ESRRG: variants seen among roughly 807,000 people sequenced by gnomAD.
ESRRG encodes estrogen-related receptor gamma.
In ESRRG, 13 loss-of-function variants were observed where a neutral mutation model predicts 44.0. The ratio of observed to expected loss-of-function variants is 0.30; its 90% CI spans 0.19 to 0.47. ESRRG has a LOEUF of 0.47. ESRRG is among the 20% of genes least tolerant of loss of function. ESRRG has a pLI of 1.00. For missense variants in ESRRG, 395 were observed against 580.6 expected (o/e 0.68, Z 3.29); for synonymous variants, 215 against 214.6 (o/e 1.00, Z -0.02).
chr1:216,733,922 G>A (rs1206367011), intron 2 of ESRRG, among the ~76,000 whole-genome samples: 3 of 150,618 alleles, frequency 2.0e-5, no homozygotes, highest in African/African-American at 7.3e-5. Flanking sequence ...CAGGGAGGCA[G>A]AGGTTGGTGG....
At chr1:216,992,069 G>A (rs1202421385) in intron 1 of ESRRG, among the ~76,000 whole-genome samples, 1 of 152,156 alleles carries the variant, frequency 6.6e-6, no homozygotes, top group Non-Finnish European at 1.5e-5. Flanking sequence ...TTCCCATGCA[G>A]TCTGGATTTT....
At chr1:216,555,731 A>G (rs1488894449) in intron 5 of ESRRG, among the ~76,000 whole-genome samples, 2 of 152,120 alleles carry the variant, frequency 1.3e-5, no homozygotes, top group Admixed American at 6.6e-5. Flanking sequence ...GTCAAAGTCA[A>G]TTTAGTGCAT....
chr1:216,603,518 T>C (rs915255829), intron 3 of ESRRG, among the ~76,000 whole-genome samples: 2 of 152,236 alleles, frequency 1.3e-5, no homozygotes, highest in African/African-American at 2.4e-5. Context: ...AGAGCTTTCA[T>C]TGCAGATCAG....
chr1:216,838,343 T>C (rs1577099427), intron 2 of ESRRG, among the ~76,000 whole-genome samples: 1 of 152,320 alleles, frequency 6.6e-6, no homozygotes, highest in Non-Finnish European at 1.5e-5. Flanking sequence ...AAAAGTGTTG[T>C]CTTTAGTACA....
At chr1:216,935,724 C>T (rs1047258748) in intron 2 of ESRRG, among the ~76,000 whole-genome samples, 6 of 151,890 alleles carry the variant, frequency 4.0e-5, no homozygotes, top group South Asian at 4.2e-4. Flanking sequence ...TCAAGCAGTT[C>T]TCCTGCCTCA....
chr1:216,809,619 C>A (rs1430869547), intron 2 of ESRRG, among the ~76,000 whole-genome samples: 33 of 152,146 alleles, frequency 2.2e-4, no homozygotes, highest in Non-Finnish European at 4.4e-5. Context: ...ACCTAAAATT[C>A]CTCAGAAATG....
At chr1:216,534,319 G>A (rs1439832815) in intron 5 of ESRRG, among the ~76,000 whole-genome samples, 3 of 152,092 alleles carry the variant, frequency 2.0e-5, no homozygotes, top group African/African-American at 4.8e-5. Context: ...ATTGTATTTA[G>A]TGCATTATTT....
At chr1:216,881,326 T>A (rs747232962) in intron 2 of ESRRG, among the ~76,000 whole-genome samples, 1 of 152,170 alleles carries the variant, frequency 6.6e-6, no homozygotes, top group Non-Finnish European at 1.5e-5. Flanking sequence ...AGCGTCCTCA[T>A]CTGAAGAAAT....
chr1:216,931,569 C>T (rs1008393475), intron 2 of ESRRG, among the ~76,000 whole-genome samples: 3 of 152,004 alleles, frequency 2.0e-5, no homozygotes, highest in Admixed American at 6.5e-5. Flanking sequence ...CTCAGGAGGA[C>T]CAGCTGCACC....
At chr1:216,712,548 G>GT (rs1184978207) in intron 1 of ESRRG, among the ~76,000 whole-genome samples, 6 of 152,216 alleles carry the variant, frequency 3.9e-5, no homozygotes, top group African/African-American at 1.4e-4. Context: ...ATAAGCAGCT[G>GT]TGCGCTTTAT....
rs1553355981 is a variant in ESRRG at position 216,569,111 on chromosome 1, A to AGGAAGGAAGGAAGGAAGGAAGGAAGAAG, written c.590-1014_590-1013insCTTCTTCCTTCCTTCCTTCCTTCCTTCC. On this transcript the variant is annotated intron_variant, in intron 3 of 6. Transcript: ENST00000408911. Reference sequence around the variant, plus strand: ...AAGGAAGGAAGGAAGGAAGGAAGGAAGAAGGAAGGAAGGAAGGAAGGAAAG... The same window carrying AGGAAGGAAGGAAGGAAGGAAGGAAGAAG: ...AAGGAAGGAAGGAAGGAAGGAAGGAAGGAAGGAAGGAAGGAAGGAAGGAAGAAGGAAGGAAGGAAGGAAGGAAGGAAAG... Among the ~76,000 whole-genome samples the AGGAAGGAAGGAAGGAAGGAAGGAAGAAG allele has an allele frequency of 5.7e-3, 594 of 104,448 alleles. 14 individuals carry two copies. The highest frequency in any genetic ancestry group is 0.021 in the South Asian group (53 of 2,518). 68.5% of individuals were successfully genotyped at this position (104,448 alleles called of 152,430 possible).
upstream of ESRRG, among the ~76,000 whole-genome samples, chr1:216,727,612 C>CATA (rs2087812039): frequency 6.6e-6 from 1 of 152,098 alleles, no homozygotes. Context: ...AGCCCTCTAT[C>CATA]AATTCATCAT....
At position 216,976,326 on chromosome 1, in the gene ESRRG, A is replaced by G. The variant is rs932546159; in HGVS notation, c.-105-36653T>C. Among the ~76,000 whole-genome samples, 9 of 128,440 alleles carry G rather than the reference A, an allele frequency of 7.0e-5. No individual in the cohort carries two copies. In the South Asian group the frequency reaches 9.7e-4, roughly 14 times the overall value. The allele number at this position is 128,440 out of a possible 152,430, so 84.3% of individuals were successfully genotyped here. A position where few individuals can be genotyped will look rare whatever the true frequency, so the allele number is the denominator to read the frequency against. ...TGTGTGTGTGTGTGTGTGTGTGTGT[A>G]TGAAAATGATTACTCCTCTTCCCTC... is the stretch of plus-strand genomic sequence containing the variant. On this transcript the variant is annotated intron_variant, in intron 1 of 7. Coordinates refer to the ESRRG transcript ENST00000359162.
chr1:216,898,703 G>C (rs1322597264), intron 2 of ESRRG, among the ~76,000 whole-genome samples: 2 of 146,808 alleles, frequency 1.4e-5, no homozygotes, highest in East Asian at 4.0e-4. Flanking sequence ...TTTATACCCT[G>C]AAAGTGCATT....
intron 1 of ESRRG, among the ~76,000 whole-genome samples, chr1:217,081,421 T>G (rs979924989): frequency 6.6e-6 from 1 of 151,768 alleles, no homozygotes; most frequent in African/African-American, 2.4e-5. Context: ...GAGATGGGGT[T>G]TCTCCACGTT....
intron 1 of ESRRG, among the ~76,000 whole-genome samples, chr1:217,082,561 G>A (rs540429811): frequency 2.6e-5 from 4 of 152,042 alleles, no homozygotes; most frequent in Admixed American, 6.5e-5. Flanking sequence ...CAGGGGATAC[G>A]TGCACACACT....
At chr1:216,828,697 G>T (rs1241702547) in intron 2 of ESRRG, among the ~76,000 whole-genome samples, 1 of 152,148 alleles carries the variant, frequency 6.6e-6, no homozygotes, top group Non-Finnish European at 1.5e-5. Flanking sequence ...GTCATAAAAT[G>T]TTAGGTTTTT....
chr1:216,548,168 C>A (rs552126897), intron 5 of ESRRG, among the ~76,000 whole-genome samples: 1 of 152,040 alleles, frequency 6.6e-6, no homozygotes, highest in African/African-American at 2.4e-5. Context: ...CATAAAATTG[C>A]TTTTGTAAAC....
rs150000889 is a variant in ESRRG, at chr1:216,675,291, T to A, written c.472+1785A>T. 7.9e-3 allele frequency among the ~76,000 whole-genome samples: 1,200 copies of A among 151,452 alleles called. 15 individuals carry two copies. The highest frequency in any genetic ancestry group is 0.028 in the African/African-American group (1,143 of 41,242). ...AAGAGAATCACTTGAACCCAGGAGA[T>A]GTAGGTTGCAGTGAGCCGAGATCAT... On this transcript the variant is annotated intron_variant, in intron 2 of 6. Transcript: ENST00000408911.
Sources: gnomAD v4.1 joint callset for allele counts (sites outside exome capture counted in the v4.1 genomes callset) on GRCh38, gnomAD v4.1.1 for gene constraint, MANE v1.5 for transcripts, NCBI Gene and HGNC (gene_info 2026-07-23, HGNC 2026-07-21) for gene names.